VEGFD: variants seen among roughly 807,000 people sequenced by gnomAD.
VEGFD encodes vascular endothelial growth factor D.
In VEGFD, 26 loss-of-function variants were observed where a neutral mutation model predicts 28.0. The observed-to-expected ratio is 0.93, with a 90% CI of 0.68 to 1.29. The LOEUF (loss-of-function observed/expected upper bound fraction) is 1.29, where lower values mean the gene tolerates loss of function less well. Ranked by LOEUF, VEGFD falls within the 50% of genes most tolerant of loss-of-function variation. The probability of loss-of-function intolerance (pLI) is 0.00; values close to 1 mark genes in which losing one functional copy is unlikely to be tolerated. For synonymous variants in VEGFD, 93 were observed against 95.5 expected, an observed-to-expected ratio of 0.97 and a Z score of 0.15; for missense variants, 294 against 273.4, an observed-to-expected ratio of 1.08 and a Z score of -0.53.
chrX:15,371,336 T>C (rs1240191796), intron 1 of VEGFD, among the ~76,000 whole-genome samples: 4 of 112,259 alleles, frequency 3.6e-5, no homozygotes, highest in Non-Finnish European at 7.5e-5. Flanking sequence ...GAAAATAACA[T>C]GCAGGTTAAA....
At chrX:15,372,240 A>C (rs1392808237) in intron 1 of VEGFD, among the ~76,000 whole-genome samples, 2 of 112,049 alleles carry the variant, frequency 1.8e-5, no homozygotes, top group Non-Finnish European at 3.8e-5. Flanking sequence ...AATATTTACT[A>C]TTCTAAAAAA....
chrX:15,374,058 A>G (rs1283389458), intron 1 of VEGFD, among the ~76,000 whole-genome samples: 2 of 111,859 alleles, frequency 1.8e-5, no homozygotes, highest in Non-Finnish European at 3.8e-5. Context: ...TTTGCCTAAT[A>G]TAGTAAACCA....
chrX:15,355,062 C>G, intron 4 of VEGFD, 88 bp downstream of exon 4: 3 of 828,253 alleles, frequency 3.6e-6, no homozygotes, highest in South Asian at 3.5e-5. Flanking sequence ...ATTGATAACT[C>G]TACATTAATG....
At chrX:15,353,740 C>CAA (rs398069126) in intron 4 of VEGFD, among the ~76,000 whole-genome samples, 971 of 89,389 alleles carry the variant, frequency 0.011, 11 homozygotes, top group African/African-American at 0.037. Flanking sequence ...AACTCCGTCT[C>CAA]AAAAAAAAAA....
intron 4 of VEGFD, 90 bp from the exon 5 acceptor site, chrX:15,353,258 G>A (rs1922776407): frequency 2.4e-6 from 1 of 409,841 alleles, no homozygotes; most frequent in Non-Finnish European, 4.0e-6. Context: ...GTAGATAATA[G>A]TTAAGATTTT....
rs779204056 is a variant in VEGFD at position 15,347,376 on chromosome X, A to G, written c.743-17T>C. The G allele has an allele frequency of 1.7e-6, 2 of 1,173,449 alleles. No homozygotes were observed. The highest frequency in any genetic ancestry group is 2.3e-6 in the Non-Finnish European group (2 of 869,635). On this transcript the variant is annotated splice_polypyrimidine_tract_variant and intron_variant, in intron 5 of 6. Transcript: ENST00000297904. ...GAGAGTGGTCTAAAGAGAAACAGAA[A>G]CGTGTTGGTCAGATAGTTGTAGTGT... is the stretch of plus-strand genomic sequence containing the variant.
rs201494745 is a variant in VEGFD, at chrX:15,361,848, G to GT, written c.301+1260dup. Among the ~76,000 whole-genome samples the GT allele has an allele frequency of 7.0e-3, 771 of 109,487 alleles. 7 individuals carry two copies. The highest frequency in any genetic ancestry group is 0.025 in the African/African-American group (744 of 29,555). Reference sequence around the variant, plus strand: ...ACTGGTTTTCTTTCTTTCTTTCTTTGTTTTTTTGTTTTGTTTTGTTTTGTT... The same window carrying GT: ...ACTGGTTTTCTTTCTTTCTTTCTTTGTTTTTTTTGTTTTGTTTTGTTTTGTT... On this transcript the variant is annotated intron_variant, in intron 2 of 6. Transcript: ENST00000297904.
intron 1 of VEGFD, among the ~76,000 whole-genome samples, chrX:15,379,021 G>A (rs2146989833): frequency 9.0e-6 from 1 of 111,136 alleles, no homozygotes; most frequent in South Asian, 3.8e-4. Context: ...CATGGCCACT[G>A]CACTGATGGT....
In VEGFD at chrX:15,384,203, C is replaced by T; in HGVS notation, c.-257G>A. 2 of 271,506 alleles carry T rather than the reference C, an allele frequency of 7.4e-6. No homozygotes were observed. Among genetic ancestry groups the T allele is most frequent in the Non-Finnish European group, 1.3e-5 (2 of 155,068 alleles). The allele number at this position is 271,506 out of a possible 1,213,427, so 22.4% of individuals were successfully genotyped here. ...TCTCCAAAAATAATCAGAAGGTGGA[C>T]ATGTCTTCTACCTGAAATTAGAAAG... On this transcript the variant is annotated 5_prime_UTR_variant, in exon 1 of 7. An upstream start codon of the reference 5' UTR is lost. Transcript: ENST00000297904.
intron 6 of VEGFD, among the ~76,000 whole-genome samples, chrX:15,346,495 GA>G (rs1165903616): frequency 9.0e-6 from 1 of 111,401 alleles, no homozygotes; most frequent in Non-Finnish European, 1.9e-5. Flanking sequence ...CTCCATTAAA[GA>G]AAAAAACAAA....
chrX:15,362,561 C>T (rs994359094), intron 2 of VEGFD, among the ~76,000 whole-genome samples: 1 of 110,491 alleles, frequency 9.1e-6, no homozygotes, highest in Non-Finnish European at 1.9e-5. Context: ...GGAATACAGG[C>T]ACGTACCACA....
At chrX:15,374,786 CTT>C (rs558207454) in intron 1 of VEGFD, among the ~76,000 whole-genome samples, 3 of 98,179 alleles carry the variant, frequency 3.1e-5, no homozygotes. Context: ...TTTTTCTTTT[CTT>C]TTTTTTTTTT....
Position 15,346,093 on chromosome X carries a change from C to T in VEGFD, c.*40G>A, listed in dbSNP as rs1922538491. Reference sequence around the variant, plus strand: ...GACAGCAACTTGGCAAAGCAGCATGCTGTTAAAAATGACAGGGATGGGGAA... The same window carrying T: ...GACAGCAACTTGGCAAAGCAGCATGTTGTTAAAAATGACAGGGATGGGGAA... On this transcript the variant is annotated 3_prime_UTR_variant, in exon 7 of 7. Transcript: ENST00000297904. 2.5e-6 allele frequency: 3 copies of T among 1,190,731 alleles called. No homozygotes were observed. Among genetic ancestry groups the T allele is most frequent in the Non-Finnish European group, 1.1e-6 (1 of 886,088 alleles).
At chrX:15,373,235 A>C (rs1466061564) in intron 1 of VEGFD, among the ~76,000 whole-genome samples, 1 of 112,163 alleles carries the variant, frequency 8.9e-6, no homozygotes, top group East Asian at 2.8e-4. Context: ...AGCCGGTTCC[A>C]ATGCTGGTTT....
chrX:15,368,121 G>T (rs771182041), intron 1 of VEGFD, among the ~76,000 whole-genome samples: 29 of 98,747 alleles, frequency 2.9e-4, no homozygotes, highest in Admixed American at 2.9e-3. Context: ...AGAAAGAAAG[G>T]AGAGAAAGAG....
intron 1 of VEGFD, among the ~76,000 whole-genome samples, chrX:15,365,995 A>AGTTTGTTTGTTT (rs569822664): frequency 0.033 from 3,576 of 109,130 alleles, 59 homozygotes; most frequent in South Asian, 0.078. Context: ...TATTCTTCCT[A>AGTTTGTTTGTTT]GTTTGTTTGT....
intron 2 of VEGFD, among the ~76,000 whole-genome samples, chrX:15,362,616 G>A (rs967956223): frequency 9.0e-6 from 1 of 110,577 alleles, no homozygotes. Context: ...ATGGGGTCTC[G>A]TCATGTTGCC....
chrX:15,361,743 T>C (rs1350182912), intron 2 of VEGFD, among the ~76,000 whole-genome samples: 2 of 112,478 alleles, frequency 1.8e-5, no homozygotes, highest in Non-Finnish European at 3.8e-5. Context: ...TGACATGACA[T>C]CAAAAAATTA....
intron 1 of VEGFD, among the ~76,000 whole-genome samples, chrX:15,376,552 C>G (rs890231190): frequency 8.9e-6 from 1 of 112,178 alleles, no homozygotes; most frequent in Admixed American, 9.5e-5. Flanking sequence ...TTATGCAAAA[C>G]TTTATTGTCC....
Sources: gnomAD v4.1 joint callset for allele counts (sites outside exome capture counted in the v4.1 genomes callset) on GRCh38, gnomAD v4.1.1 for gene constraint, MANE v1.5 for transcripts, NCBI Gene and HGNC (gene_info 2026-07-23, HGNC 2026-07-21) for gene names.